PLCXD3: variants seen among roughly 807,000 people sequenced by gnomAD.
The protein encoded by PLCXD3 is PI-PLC X domain-containing protein 3.
A neutral mutation model predicts 25.5 loss-of-function variants in PLCXD3; 19 were observed. The observed-to-expected ratio is 0.75, with a 90% CI of 0.52 to 1.09. The LOEUF is 1.09. Among genes scored for constraint, PLCXD3 ranks in the 50% least tolerant of loss-of-function variants. PLCXD3 has a pLI of 0.00. For missense variants in PLCXD3, 411 were observed against 388.1 expected (o/e 1.06, Z -0.50); for synonymous variants, 174 against 137.6 (o/e 1.26, Z -1.85).
intron 1 of PLCXD3, among the ~76,000 whole-genome samples, chr5:41,445,502 T>C (rs942862982): frequency 1.3e-5 from 2 of 152,210 alleles, no homozygotes; most frequent in African/African-American, 4.8e-5. Context: ...TATGGAAATA[T>C]GGCAACTATG....
chr5:41,419,940 G>A (rs1263156980), intron 1 of PLCXD3, among the ~76,000 whole-genome samples: 1 of 152,152 alleles, frequency 6.6e-6, no homozygotes, highest in African/African-American at 2.4e-5. Flanking sequence ...TTCACAGTAA[G>A]CACCTTTAGT....
At chr5:41,390,926 G>C (rs569671429) in intron 1 of PLCXD3, among the ~76,000 whole-genome samples, 1 of 152,300 alleles carries the variant, frequency 6.6e-6, no homozygotes, top group South Asian at 2.1e-4. Flanking sequence ...CACAGCAATT[G>C]TGAGGCATTG....
Position 41,312,365 on chromosome 5 carries a change from C to G in PLCXD3, c.*1252G>C, listed in dbSNP as rs1206826186. On this transcript the variant is annotated 3_prime_UTR_variant, in exon 3 of 3. Transcript: ENST00000377801. ...GATATTTCAGAGATCCCTGTGATTT[C>G]ATGGACATAATTTCAAACACATTGC... 1 of 152,312 alleles carries G rather than the reference C, an allele frequency of 6.6e-6. No homozygotes were observed. The highest frequency in any genetic ancestry group is 2.4e-5 in the African/African-American group (1 of 41,452). 9.4% of individuals were successfully genotyped at this position (152,312 alleles called of 1,614,324 possible).
At position 41,492,124 on chromosome 5, in the gene PLCXD3, G is replaced by T. The variant is rs560595350; in HGVS notation, c.103+18300C>A. On this transcript the variant is annotated intron_variant, in intron 1 of 2. Coordinates refer to ENST00000377801, the MANE Select transcript of PLCXD3 (RefSeq NM_001005473.3). ...TTCCTTCAGGAGCTCTTTTAGGGCAGTCCTGGTGGTGACAAAATCTCTCAG... is the reference window on the plus strand; with the variant it reads ...TTCCTTCAGGAGCTCTTTTAGGGCATTCCTGGTGGTGACAAAATCTCTCAG... Among the ~76,000 whole-genome samples, 1,133 of 152,282 alleles carry T rather than the reference G, an allele frequency of 7.4e-3. 5 individuals carry two copies. Among genetic ancestry groups the T allele is most frequent in the Middle Eastern group, 0.014 (4 of 294 alleles).
chr5:41,394,812 C>T (rs1046269103), intron 1 of PLCXD3, among the ~76,000 whole-genome samples: 1 of 152,134 alleles, frequency 6.6e-6, no homozygotes, highest in African/African-American at 2.4e-5. Flanking sequence ...CAGTGGATAA[C>T]CTAGATATAA....
chr5:41,333,309 A>T (rs899333534), intron 2 of PLCXD3, among the ~76,000 whole-genome samples: 1 of 152,144 alleles, frequency 6.6e-6, no homozygotes, highest in Non-Finnish European at 1.5e-5. Context: ...CAGATTTTCA[A>T]ATGTGTTTTC....
chr5:41,391,707 G>A (rs543981288), intron 1 of PLCXD3, among the ~76,000 whole-genome samples: 97 of 152,296 alleles, frequency 6.4e-4, no homozygotes, highest in African/African-American at 2.2e-3. Flanking sequence ...CACCTTAGGT[G>A]CCAGCAGAGC....
intron 2 of PLCXD3, among the ~76,000 whole-genome samples, chr5:41,373,498 C>T (rs1036062997): frequency 6.6e-6 from 1 of 152,126 alleles, no homozygotes; most frequent in Non-Finnish European, 1.5e-5. Flanking sequence ...CCCATTCAGC[C>T]TAAATTTTTG....
chr5:41,488,215 G>A (rs1279617131), intron 1 of PLCXD3, among the ~76,000 whole-genome samples: 2 of 150,238 alleles, frequency 1.3e-5, no homozygotes, highest in African/African-American at 4.9e-5. Context: ...TACTGAGAAT[G>A]ATGATTTCCA....
At chr5:41,428,765 T>C (rs1747026205) in intron 1 of PLCXD3, among the ~76,000 whole-genome samples, 1 of 152,152 alleles carries the variant, frequency 6.6e-6, no homozygotes. Flanking sequence ...CTCATTAACA[T>C]TTAGTGCATT....
intron 1 of PLCXD3, among the ~76,000 whole-genome samples, chr5:41,463,614 T>C (rs543530647): frequency 3.3e-5 from 5 of 152,162 alleles, no homozygotes; most frequent in Admixed American, 6.5e-5. Context: ...TTTCCATTAC[T>C]AATTCATGTT....
chr5:41,323,923 T>C (rs1440592487), intron 2 of PLCXD3, among the ~76,000 whole-genome samples: 1 of 152,118 alleles, frequency 6.6e-6, no homozygotes. Context: ...CAGTCTGATA[T>C]ATGTTGATTT....
intron 2 of PLCXD3, among the ~76,000 whole-genome samples, chr5:41,347,276 C>T (rs769975638): frequency 1.6e-4 from 25 of 152,138 alleles, no homozygotes; most frequent in Non-Finnish European, 3.4e-4. Context: ...TGCCTCAGCA[C>T]AGTAAAGTTA....
chr5:41,444,523 A>G (rs919967021), intron 1 of PLCXD3, among the ~76,000 whole-genome samples: 1 of 152,190 alleles, frequency 6.6e-6, no homozygotes, highest in African/African-American at 2.4e-5. Context: ...CTGCTGAAAT[A>G]TAATCCCAAT....
chr5:41,407,725 G>T (rs1746394040), intron 1 of PLCXD3, among the ~76,000 whole-genome samples: 2 of 152,132 alleles, frequency 1.3e-5, no homozygotes, highest in Admixed American at 1.3e-4. Context: ...CATAATAAAT[G>T]AATAGGAAAT....
chr5:41,507,642 C>A (rs1288131792), intron 1 of PLCXD3, among the ~76,000 whole-genome samples: 1 of 152,124 alleles, frequency 6.6e-6, no homozygotes, highest in East Asian at 1.9e-4. Flanking sequence ...GTCAGCTGCC[C>A]CAGTTGGGTA....
intron 1 of PLCXD3, among the ~76,000 whole-genome samples, chr5:41,425,146 T>C (rs1298797795): frequency 6.6e-6 from 1 of 152,208 alleles, no homozygotes; most frequent in Non-Finnish European, 1.5e-5. Flanking sequence ...ATAATGCTTT[T>C]TGCATCACAG....
intron 1 of PLCXD3, among the ~76,000 whole-genome samples, chr5:41,447,268 G>C (rs1561276255): frequency 6.6e-6 from 1 of 152,142 alleles, no homozygotes; most frequent in African/African-American, 2.4e-5. Context: ...AGATAGGAAA[G>C]AGGTGGTTGT....
At chr5:41,490,393 T>G (rs935230158) in intron 1 of PLCXD3, among the ~76,000 whole-genome samples, 3 of 152,084 alleles carry the variant, frequency 2.0e-5, no homozygotes, top group Admixed American at 2.0e-4. Flanking sequence ...GGTCTAAAAT[T>G]CTCTTTTTTG....
Sources: allele counts gnomAD v4.1 joint callset (sites outside exome capture counted in the v4.1 genomes callset), GRCh38; gene constraint gnomAD v4.1.1; transcripts MANE v1.5; gene names NCBI Gene and HGNC (gene_info 2026-07-23, HGNC 2026-07-21).